The following PRLR variants were observed in gnomAD, a reference collection of about 807,000 sequenced individuals.
The protein encoded by PRLR is prolactin receptor.
PRLR carries 13 observed loss-of-function variants against 40.2 expected under a neutral mutation model. That is an observed-to-expected ratio of 0.32 (90% CI 0.21 to 0.51). The LOEUF (loss-of-function observed/expected upper bound fraction) is 0.51, where lower values mean the gene tolerates loss of function less well. Among genes scored for constraint, PRLR ranks in the 20% least tolerant of loss-of-function variants. The pLI, the probability that PRLR is intolerant of heterozygous loss-of-function variation, is 0.97. For missense variants in PRLR, 656 were observed against 747.3 expected (o/e 0.88, Z 1.42); for synonymous variants, 269 against 278.7 (o/e 0.97, Z 0.35).
chr5:35,130,646 A>G (rs2962086), intron 1 of PRLR, among the ~76,000 whole-genome samples: 25,020 of 152,116 alleles, frequency 0.16, 4,223 homozygotes, highest in African/African-American at 0.43. Flanking sequence ...AAAAATGGAA[A>G]CCTTCTCATA....
intron 2 of PRLR, among the ~76,000 whole-genome samples, chr5:35,106,380 T>C (rs1311106607): frequency 6.6e-6 from 1 of 152,128 alleles, no homozygotes; most frequent in Non-Finnish European, 1.5e-5. Flanking sequence ...ATAACAATAT[T>C]AACCTTAAAT....
At chr5:35,214,025 G>A (rs573520876) in intron 1 of PRLR, among the ~76,000 whole-genome samples, 4 of 152,118 alleles carry the variant, frequency 2.6e-5, no homozygotes, top group Non-Finnish European at 5.9e-5. Context: ...AGCCTTCCCC[G>A]TTGTGCCTCT....
intron 1 of PRLR, among the ~76,000 whole-genome samples, chr5:35,148,673 C>T (rs1454637887): frequency 6.6e-6 from 1 of 152,152 alleles, no homozygotes; most frequent in Non-Finnish European, 1.5e-5. Flanking sequence ...GTATGAAATA[C>T]ATGCACAATA....
rs752877027 is a variant in PRLR, at chr5:35,065,306, C to T, written c.1652G>A (p.Gly551Glu). The T allele has an allele frequency of 6.2e-6, 10 of 1,614,126 alleles. No homozygotes were observed. The highest frequency in any genetic ancestry group is 8.5e-6 in the Non-Finnish European group (10 of 1,180,012). Residue 551 changes from glycine (G) to glutamate (E), a missense_variant, in exon 10 of 10, where the codon GGG (glycine) becomes GAG (glutamate). Physicochemically the swap from Gly to Glu is moderately conservative, Grantham distance 98 (BLOSUM62 -2). Coordinates refer to ENST00000618457, the MANE Select transcript of PRLR (RefSeq NM_000949.7). Reference sequence around the variant, plus strand: ...CACCAGGATGTTGTTATCCATGACCCCGGACACCTTGGCATACTCCTTATT... The same window carrying T: ...CACCAGGATGTTGTTATCCATGACCTCGGACACCTTGGCATACTCCTTATT... ...ENNKEYAKVS[G>E]VMDNNILVLV...
At chr5:35,164,537 A>C (rs1374599967) in intron 1 of PRLR, among the ~76,000 whole-genome samples, 1 of 152,220 alleles carries the variant, frequency 6.6e-6, no homozygotes, top group Non-Finnish European at 1.5e-5. Flanking sequence ...GATGTTGAAA[A>C]GGCAAGCATG....
At chr5:35,068,714 T>A in intron 8 of PRLR, 65 bp downstream of exon 8, 1 of 1,174,832 alleles carries the variant, frequency 8.5e-7, no homozygotes, top group Admixed American at 2.0e-5. Flanking sequence ...ATCTTTGTAT[T>A]TTTTTTTTTG....
intron 3 of PRLR, among the ~76,000 whole-genome samples, chr5:35,087,715 T>C (rs1018597295): frequency 2.0e-5 from 3 of 151,986 alleles, no homozygotes; most frequent in Admixed American, 6.6e-5. Flanking sequence ...GAGTGTAAAA[T>C]TTTTTAGTTG....
intron 1 of PRLR, among the ~76,000 whole-genome samples, chr5:35,186,149 A>G (rs555587864): frequency 6.6e-6 from 1 of 152,328 alleles, no homozygotes; most frequent in East Asian, 1.9e-4. Context: ...ACTTTGTATG[A>G]AAAAGGGAAT....
At chr5:35,156,521 A>C (rs1410275419) in intron 1 of PRLR, among the ~76,000 whole-genome samples, 1 of 152,220 alleles carries the variant, frequency 6.6e-6, no homozygotes, top group East Asian at 1.9e-4. Flanking sequence ...TCTGGCCTCC[A>C]GGCATCCCTC....
At chr5:35,192,374 A>G (rs1775631567) in intron 1 of PRLR, among the ~76,000 whole-genome samples, 1 of 151,818 alleles carries the variant, frequency 6.6e-6, no homozygotes, top group Admixed American at 6.6e-5. Context: ...TCTCTCCCCC[A>G]CCTCTTAATT....
rs1009224275 is a variant in PRLR, at chr5:35,058,396, A to G, written c.*6693T>C. ...TTCAATTGTTTAAAATGAACGATGA[A>G]GCACAAAATCCAGCCTCATTATGCA... On this transcript the variant is annotated 3_prime_UTR_variant, in exon 10 of 10. Coordinates refer to ENST00000618457, the MANE Select transcript of PRLR (RefSeq NM_000949.7). 1 of 152,234 alleles carries G rather than the reference A, an allele frequency of 6.6e-6. No homozygotes were observed. Among genetic ancestry groups the G allele is most frequent in the Non-Finnish European group, 1.5e-5 (1 of 68,032 alleles). The allele number at this position is 152,234 out of a possible 1,614,324, so 9.4% of individuals were successfully genotyped here.
At chr5:35,087,422 T>TGTGTG (rs1561284886) in intron 3 of PRLR, among the ~76,000 whole-genome samples, 64 of 140,854 alleles carry the variant, frequency 4.5e-4, no homozygotes, top group Non-Finnish European at 8.7e-4. Flanking sequence ...TCTCTTTCCT[T>TGTGTG]TGTGTGTGTG....
chr5:35,142,502 A>G (rs1774054100), intron 1 of PRLR, among the ~76,000 whole-genome samples: 1 of 152,208 alleles, frequency 6.6e-6, no homozygotes, highest in Non-Finnish European at 1.5e-5. Context: ...CTAAATATCT[A>G]AAGAAACAGT....
At chr5:35,215,790 C>A (rs562911569) in intron 1 of PRLR, among the ~76,000 whole-genome samples, 1 of 148,756 alleles carries the variant, frequency 6.7e-6, no homozygotes, top group Admixed American at 6.9e-5. Flanking sequence ...AATTGCAGCA[C>A]TTTGGGAGGC....
rs1410385324 is a variant in PRLR at position 35,065,834 on chromosome 5, T to G, written c.1124A>C (p.Tyr375Ser). The change falls in exon 10 of 10, where the codon TAT becomes TCT. Residue 375 changes from tyrosine (Y) to serine (S), a missense_variant. Tyr to Ser is a moderately radical substitution (Grantham distance 144, BLOSUM62 -2). This residue lies in a region of PRLR where 469 missense variants were observed against 491.5 expected (regional missense o/e 0.95). Transcript: ENST00000618457. ...TGGCTTCTCAATGACCTCAGGATCA[T>G]AGAATGTGGAGGGATTGGCCTGGGG... ...EEPQANPSTFYDPEVIEKPEN... is the reference protein window; with the variant it reads ...EEPQANPSTFSDPEVIEKPEN... 1.9e-6 allele frequency: 3 copies of G among 1,614,010 alleles called. No homozygotes were observed. Among genetic ancestry groups the G allele is most frequent in the Non-Finnish European group, 2.5e-6 (3 of 1,180,026 alleles).
At chr5:35,215,526 G>A (rs1330084936) in intron 1 of PRLR, among the ~76,000 whole-genome samples, 3 of 152,136 alleles carry the variant, frequency 2.0e-5, no homozygotes, top group African/African-American at 7.2e-5. Flanking sequence ...CAGCAACCCT[G>A]GAATGTATGT....
intron 2 of PRLR, among the ~76,000 whole-genome samples, chr5:35,115,600 A>G (rs947487997): frequency 1.7e-4 from 26 of 152,120 alleles, no homozygotes; most frequent in African/African-American, 5.1e-4. Context: ...AGTTAAGGGC[A>G]GAAGTGTGCG....
At chr5:35,105,951 A>G (rs1001981109) in intron 2 of PRLR, among the ~76,000 whole-genome samples, 4 of 152,236 alleles carry the variant, frequency 2.6e-5, no homozygotes, top group Non-Finnish European at 4.4e-5. Context: ...GAAATGAAGG[A>G]AAAAATGTTA....
intron 1 of PRLR, among the ~76,000 whole-genome samples, chr5:35,143,302 CA>C (rs1774075863): frequency 1.3e-5 from 2 of 152,136 alleles, no homozygotes. Context: ...ACTTTATTTA[CA>C]AAAATGGTTC....
Sources: allele counts gnomAD v4.1 joint callset (sites outside exome capture counted in the v4.1 genomes callset), GRCh38; gene constraint gnomAD v4.1.1; regional missense constraint gnomAD v4.1.1; transcripts MANE v1.5; gene names NCBI Gene and HGNC (gene_info 2026-07-23, HGNC 2026-07-21).